ARFGAP3: variants seen among roughly 807,000 people sequenced by gnomAD.
The protein encoded by ARFGAP3 is ADP-ribosylation factor GTPase-activating protein 3.
In ARFGAP3, 72 loss-of-function variants were observed where a neutral mutation model predicts 75.0. The observed-to-expected ratio is 0.96, with a 90% CI of 0.79 to 1.17. ARFGAP3 has a LOEUF of 1.17. ARFGAP3 is among the 50% of genes most tolerant of loss of function. ARFGAP3 has a pLI of 0.00. For missense variants in ARFGAP3, 620 were observed against 626.6 expected (o/e 0.99, Z 0.11); for synonymous variants, 221 against 217.9 (o/e 1.01, Z -0.13).
intron 13 of ARFGAP3, 74 bp downstream of exon 13, chr22:42,808,693 C>G (rs1925232136): frequency 7.6e-7 from 1 of 1,309,094 alleles, no homozygotes; most frequent in African/African-American, 1.5e-5. Flanking sequence ...TCAGGATCTC[C>G]TCCCCGACAA....
chr22:42,833,788 C>T (rs1434435829), intron 5 of ARFGAP3, among the ~76,000 whole-genome samples: 1 of 152,108 alleles, frequency 6.6e-6, no homozygotes, highest in Admixed American at 6.5e-5. Flanking sequence ...TGTTGGTGCG[C>T]ACCTGTAGTC....
intron 4 of ARFGAP3, among the ~76,000 whole-genome samples, chr22:42,834,820 C>T (rs1352659600): frequency 2.0e-5 from 3 of 152,196 alleles, no homozygotes; most frequent in African/African-American, 7.2e-5. Flanking sequence ...AACAAATGTC[C>T]TTTCTGCAGT....
chr22:42,811,752 G>C (rs1399312007), intron 11 of ARFGAP3, among the ~76,000 whole-genome samples: 4 of 152,234 alleles, frequency 2.6e-5, no homozygotes, highest in Admixed American at 6.5e-5. Context: ...GCATTGCTCA[G>C]AGAGCAGCAC....
chr22:42,853,060 G>T (rs754294884), intron 1 of ARFGAP3, among the ~76,000 whole-genome samples: 1 of 152,092 alleles, frequency 6.6e-6, no homozygotes, highest in African/African-American at 2.4e-5. Flanking sequence ...CACCGCGCCC[G>T]GCCTATTTAT....
At chr22:42,840,814 T>A (rs1333057789) in intron 3 of ARFGAP3, 130 bp downstream of exon 3, 3 of 953,504 alleles carry the variant, frequency 3.1e-6, no homozygotes, top group South Asian at 3.3e-5. Context: ...CCCAAACGCC[T>A]GTAATTTCAG....
chr22:42,812,380 A>T (rs764991795), intron 11 of ARFGAP3, among the ~76,000 whole-genome samples: 1 of 152,168 alleles, frequency 6.6e-6, no homozygotes, highest in Non-Finnish European at 1.5e-5. Flanking sequence ...TAGGAAAGGA[A>T]GGGTGACAGA....
intron 7 of ARFGAP3, among the ~76,000 whole-genome samples, chr22:42,824,292 G>A (rs1569151994): frequency 6.8e-6 from 1 of 146,730 alleles, no homozygotes; most frequent in Non-Finnish European, 1.5e-5. Flanking sequence ...CTGAAATTAT[G>A]AGTATGAGCC....
chr22:42,832,692 G>A (rs1391766024), intron 5 of ARFGAP3, among the ~76,000 whole-genome samples: 4 of 151,994 alleles, frequency 2.6e-5, no homozygotes, highest in East Asian at 1.9e-4. Context: ...TACCTTAAAG[G>A]GCTAAATAGT....
At chr22:42,852,742 CATTTT>C (rs1394612451) in intron 1 of ARFGAP3, among the ~76,000 whole-genome samples, 1 of 152,000 alleles carries the variant, frequency 6.6e-6, no homozygotes, top group Non-Finnish European at 1.5e-5. Context: ...TCTTGATCTC[CATTTT>C]ATTTATTTAA....
At chr22:42,825,593 T>C (rs1926002919) in intron 7 of ARFGAP3, among the ~76,000 whole-genome samples, 1 of 151,218 alleles carries the variant, frequency 6.6e-6, no homozygotes, top group Non-Finnish European at 1.5e-5. Flanking sequence ...GAGAATCGCT[T>C]GAACCCAGGA....
chr22:42,807,335 A>G (rs1602094038), intron 13 of ARFGAP3, 172 bp from the exon 14 acceptor site: 1 of 876,376 alleles, frequency 1.1e-6, no homozygotes, highest in Non-Finnish European at 1.4e-6. Context: ...CACAAAGCTC[A>G]TGTTCTGCAT....
chr22:42,818,259 T>C (rs1383893258), intron 9 of ARFGAP3, among the ~76,000 whole-genome samples: 1 of 152,156 alleles, frequency 6.6e-6, no homozygotes, highest in Non-Finnish European at 1.5e-5. Flanking sequence ...TATCTTGATT[T>C]AAGATAAATA....
At chr22:42,806,862 C>T (rs1179972013) in intron 14 of ARFGAP3, among the ~76,000 whole-genome samples, 2 of 152,194 alleles carry the variant, frequency 1.3e-5, no homozygotes. Context: ...ACTTGCCAGG[C>T]AATGATGGGA....
intron 15 of ARFGAP3, 23 bp from the exon 16 acceptor site, chr22:42,797,628 A>G: frequency 6.2e-7 from 1 of 1,613,980 alleles, no homozygotes; most frequent in Non-Finnish European, 8.5e-7. Flanking sequence ...CCAAAATGGA[A>G]GTTCACGACC....
intron 1 of ARFGAP3, among the ~76,000 whole-genome samples, chr22:42,850,571 CAAAAAAAAA>C (rs57841993): frequency 2.6e-4 from 15 of 57,586 alleles, no homozygotes; most frequent in African/African-American, 8.7e-4. Flanking sequence ...ACCCTGCTAT[CAAAAAAAAA>C]AAAAAAAAAA....
intron 2 of ARFGAP3, among the ~76,000 whole-genome samples, chr22:42,841,559 C>T (rs1926780837): frequency 6.6e-6 from 1 of 152,134 alleles, no homozygotes; most frequent in Non-Finnish European, 1.5e-5. Context: ...TAACTTCTCT[C>T]CACTGTAAGA....
At chr22:42,798,184 A>C (rs907324218) in intron 15 of ARFGAP3, among the ~76,000 whole-genome samples, 1 of 152,112 alleles carries the variant, frequency 6.6e-6, no homozygotes, top group Admixed American at 6.5e-5. Flanking sequence ...TTTTAACTTC[A>C]GTGCCACATG....
chr22:42,844,980 G>A (rs1203959645), intron 2 of ARFGAP3, among the ~76,000 whole-genome samples: 2 of 152,124 alleles, frequency 1.3e-5, no homozygotes, highest in Admixed American at 6.5e-5. Flanking sequence ...TCAGGCTCTA[G>A]GTCACTCCTT....
At chr22:42,850,589 A>G (rs1482838675) in intron 1 of ARFGAP3, among the ~76,000 whole-genome samples, 1 of 151,332 alleles carries the variant, frequency 6.6e-6, no homozygotes, top group Non-Finnish European at 1.5e-5. Context: ...AAAAAAAAAA[A>G]AAAAAAAAGA....
Sources: allele counts gnomAD v4.1 joint callset (sites outside exome capture counted in the v4.1 genomes callset), GRCh38; gene constraint gnomAD v4.1.1; transcripts MANE v1.5; gene names NCBI Gene and HGNC (gene_info 2026-07-23, HGNC 2026-07-21).